The following KIF13B variants were observed in gnomAD, a reference collection of about 807,000 sequenced individuals.
KIF13B encodes the protein kinesin-like protein KIF13B.
A neutral mutation model predicts 222.0 loss-of-function variants in KIF13B; 127 were observed. That is an observed-to-expected ratio of 0.57 (90% CI 0.50 to 0.66). KIF13B has a LOEUF of 0.66. Among genes scored for constraint, KIF13B ranks in the 30% least tolerant of loss-of-function variants. KIF13B has a pLI of 0.00. For synonymous variants in KIF13B, 976 were observed against 919.0 expected, an observed-to-expected ratio of 1.06 and a Z score of -1.12; for missense variants, 2,173 against 2,379.0, an observed-to-expected ratio of 0.91 and a Z score of 1.80.
At chr8:29,139,023 G>A (rs757899190) in intron 21 of KIF13B, among the ~76,000 whole-genome samples, 7 of 152,134 alleles carry the variant, frequency 4.6e-5, no homozygotes, top group East Asian at 1.9e-4. Flanking sequence ...ATGCTGGGGC[G>A]TGCCTGGGGT....
intron 2 of KIF13B, among the ~76,000 whole-genome samples, chr8:29,225,447 C>T (rs771466170): frequency 3.7e-4 from 57 of 152,040 alleles, no homozygotes; most frequent in Non-Finnish European, 7.5e-4. Context: ...TAGGTGGGAG[C>T]GTGACTGGAG....
At chr8:29,176,216 G>GAAATATATC in intron 9 of KIF13B, 37 bp from the exon 10 acceptor site, 1 of 1,217,810 alleles carries the variant, frequency 8.2e-7, no homozygotes, top group South Asian at 1.3e-5. Flanking sequence ...TTACAAAAAT[G>GAAATATATC]AAATATATCA....
intron 1 of KIF13B, among the ~76,000 whole-genome samples, chr8:29,261,889 T>C (rs1816692922): frequency 6.6e-6 from 1 of 152,052 alleles, no homozygotes; most frequent in African/African-American, 2.4e-5. Context: ...TATGTCTCAA[T>C]ATATACAAAA....
intron 36 of KIF13B, among the ~76,000 whole-genome samples, chr8:29,097,979 G>A (rs1340485843): frequency 6.6e-6 from 1 of 151,454 alleles, no homozygotes; most frequent in Non-Finnish European, 1.5e-5. Flanking sequence ...AGACCAACCT[G>A]GCTAACATGG....
At chr8:29,138,167 T>G (rs576575184) in intron 21 of KIF13B, among the ~76,000 whole-genome samples, 9 of 152,194 alleles carry the variant, frequency 5.9e-5, no homozygotes, top group Non-Finnish European at 7.4e-5. Flanking sequence ...CTGGCCAAGA[T>G]AGTGAAACCC....
chr8:29,072,426 CTG>C, intron 38 of KIF13B, 110 bp from the exon 39 acceptor site: 1 of 643,770 alleles, frequency 1.6e-6, no homozygotes, highest in African/African-American at 1.9e-5. Context: ...GTGGCTCAGC[CTG>C]TAACCCCAGT....
intron 2 of KIF13B, among the ~76,000 whole-genome samples, chr8:29,240,992 C>T (rs1332449142): frequency 2.0e-5 from 3 of 152,110 alleles, no homozygotes; most frequent in Non-Finnish European, 2.9e-5. Context: ...AACGGACGTC[C>T]ACACAAAGAC....
chr8:29,087,214 C>G (rs1277686181), intron 37 of KIF13B, among the ~76,000 whole-genome samples: 1 of 152,210 alleles, frequency 6.6e-6, no homozygotes, highest in Non-Finnish European at 1.5e-5. Context: ...AAGGTAGTTA[C>G]CTGCTACCTG....
rs114570273 is a variant in KIF13B, at chr8:29,092,713, A to C, written c.4458+32T>G. Reference sequence around the variant, plus strand: ...CACAGAGCACCGCTTTATTAGAAAAACGTTCACAGCTGTTTTCTCGGTGCT... The same window carrying C: ...CACAGAGCACCGCTTTATTAGAAAACCGTTCACAGCTGTTTTCTCGGTGCT... On this transcript the variant is annotated intron_variant, in intron 37 of 39. Transcript: ENST00000524189. The C allele has an allele frequency of 7.4e-3, 11,777 of 1,588,450 alleles. 121 individuals carry two copies. Among genetic ancestry groups the C allele is most frequent in the African/African-American group, 0.041 (3,036 of 73,454 alleles).
chr8:29,144,229 C>T (rs982982822), intron 18 of KIF13B, among the ~76,000 whole-genome samples: 5 of 151,898 alleles, frequency 3.3e-5, no homozygotes, highest in Non-Finnish European at 7.4e-5. Context: ...ATAAAACAAA[C>T]ATTTGAGAAT....
intron 3 of KIF13B, 51 bp downstream of exon 3, chr8:29,196,136 A>C (rs925032173): frequency 1.2e-5 from 18 of 1,446,104 alleles, no homozygotes; most frequent in Admixed American, 2.2e-5. Context: ...GAGTTCAACA[A>C]CATGCATATA....
In KIF13B at chr8:29,148,706, T is replaced by G; in HGVS notation, c.1684A>C (p.Met562Leu). 1.9e-6 allele frequency: 3 copies of G among 1,612,012 alleles called. No homozygotes were observed. Among genetic ancestry groups the G allele is most frequent in the Non-Finnish European group, 2.5e-6 (3 of 1,179,006 alleles). The part of the protein sequence containing the change: ...EREDEDQDPS[M>L]KNENSSEQLD... ...TGCTCAGAACTATTCTCGTTCTTCATGGAGGGATCCTGGTCCTCATCCTCT... is the reference window on the plus strand; with the variant it reads ...TGCTCAGAACTATTCTCGTTCTTCAGGGAGGGATCCTGGTCCTCATCCTCT... The change falls in exon 16 of 40, where the codon ATG becomes CTG. Residue 562 changes from methionine (M) to leucine (L), a missense_variant. Met to Leu is a conservative substitution (Grantham distance 15). Transcript: ENST00000524189.
intron 18 of KIF13B, chr8:29,145,804 TC>T (rs1811033870): frequency 8.5e-5 from 3 of 35,436 alleles, no homozygotes; most frequent in African/African-American, 3.1e-4. Context: ...GAAAAGAACC[TC>T]AAAAAAAAAA....
Position 29,186,363 on chromosome 8 carries a change from C to T in KIF13B, c.426G>A (p.Gln142=), listed in dbSNP as rs766532379. 17 of 1,613,710 alleles carry T rather than the reference C, an allele frequency of 1.1e-5. No individual in the cohort carries two copies. The highest frequency in any genetic ancestry group is 1.4e-5 in the Non-Finnish European group (17 of 1,179,748). Residue 142 remains glutamine (Q), a synonymous_variant, in exon 6 of 40, where the codon CAG becomes CAA. Coordinates refer to ENST00000524189, the MANE Select transcript of KIF13B (RefSeq NM_015254.4). ...ERTQKEENEE[Q]SFKVEVSYME... is the part of the protein sequence containing the mutation. ...TGTAGGACACTTCTACTTTAAAACT[C>T]TGTTCTTCATTTTCCTCTTTCTGAG...
intron 3 of KIF13B, among the ~76,000 whole-genome samples, chr8:29,192,689 A>AT (rs1397991791): frequency 1.3e-5 from 2 of 152,152 alleles, no homozygotes; most frequent in African/African-American, 4.8e-5. Context: ...TAAAAGGTTA[A>AT]TTTTTTTAAG....
chr8:29,080,140 G>A lies in KIF13B; in HGVS notation c.4459-4797C>T, dbSNP rs564047067. Reference sequence around the variant, plus strand: ...GAAGATCACTTGAGCCTAGGAGTTCGAGACCAGCCTGGAAAACATGGAAAA... The same window carrying A: ...GAAGATCACTTGAGCCTAGGAGTTCAAGACCAGCCTGGAAAACATGGAAAA... On this transcript the variant is annotated intron_variant, in intron 37 of 39. Coordinates refer to ENST00000524189, the MANE Select transcript of KIF13B (RefSeq NM_015254.4). Among the ~76,000 whole-genome samples, 118 of 152,080 alleles carry A rather than the reference G, an allele frequency of 7.8e-4. 1 individual carries two copies. The South Asian group carries it at 0.024, about 31-fold the overall frequency.
Position 29,082,604 on chromosome 8 carries a change from A to C in KIF13B, c.4459-7261T>G, listed in dbSNP as rs544612730. ...CAGTGAGCTATGATCACATCACTGC[A>C]CTCCAGCCTGGGCAACAGAGCAAGA... On this transcript the variant is annotated intron_variant, in intron 37 of 39. Transcript: ENST00000524189. 1.3e-3 allele frequency among the ~76,000 whole-genome samples: 196 copies of C among 152,266 alleles called. 3 individuals carry two copies. Among genetic ancestry groups the C allele is most frequent in the Middle Eastern group, 3.4e-3 (1 of 294 alleles).
intron 1 of KIF13B, among the ~76,000 whole-genome samples, chr8:29,259,946 C>T (rs372698160): frequency 1.2e-4 from 19 of 152,248 alleles, no homozygotes; most frequent in East Asian, 1.2e-3. Flanking sequence ...ATTACATACA[C>T]GTGTGAGCAC....
At chr8:29,129,961 C>A (rs569819435) in intron 24 of KIF13B, among the ~76,000 whole-genome samples, 1 of 152,204 alleles carries the variant, frequency 6.6e-6, no homozygotes, top group Non-Finnish European at 1.5e-5. Context: ...ACAGCCAGGA[C>A]ACTAGAGAGC....
Sources: allele counts gnomAD v4.1 joint callset (sites outside exome capture counted in the v4.1 genomes callset), GRCh38; gene constraint gnomAD v4.1.1; transcripts MANE v1.5; gene names NCBI Gene and HGNC (gene_info 2026-07-23, HGNC 2026-07-21).